ABTB3: variants seen among roughly 807,000 people sequenced by gnomAD.
ABTB3 encodes the protein ankyrin repeat- and BTB/POZ domain-containing protein 3.
the ABTB3 span, among the ~76,000 whole-genome samples, chr12:107,321,298 T>A: frequency 6.6e-6 from 1 of 152,146 alleles, no homozygotes; most frequent in Non-Finnish European, 1.5e-5. Flanking sequence ...TGTGAGAGTC[T>A]GTGTGCGCGC....
chr12:107,539,712 T>C, the ABTB3 span, among the ~76,000 whole-genome samples: 1 of 152,214 alleles, frequency 6.6e-6, no homozygotes, highest in South Asian at 2.1e-4. Flanking sequence ...GAGAACTGCT[T>C]ATTCAATGCC....
the ABTB3 span, among the ~76,000 whole-genome samples, chr12:107,467,676 C>G: frequency 2.0e-5 from 3 of 152,168 alleles, no homozygotes; most frequent in Non-Finnish European, 4.4e-5. Flanking sequence ...CCAGCTATAT[C>G]ATGATCCACT....
chr12:107,441,774 C>CAAAAAAAAAAAAAAAAAAAA, the ABTB3 span, among the ~76,000 whole-genome samples: 7 of 80,042 alleles, frequency 8.7e-5, no homozygotes, highest in African/African-American at 3.4e-4. Context: ...CTTGTCTCTA[C>CAAAAAAAAAAAAAAAAAAAA]AAAAAAAAAA....
chr12:107,517,279 T>A, the ABTB3 span, among the ~76,000 whole-genome samples: 4 of 152,228 alleles, frequency 2.6e-5, no homozygotes, highest in Non-Finnish European at 5.9e-5. Flanking sequence ...AGCCTTGTAG[T>A]ATAGCTTGAA....
At chr12:107,515,015 C>A in the ABTB3 span, among the ~76,000 whole-genome samples, 1 of 152,162 alleles carries the variant, frequency 6.6e-6, no homozygotes, top group Non-Finnish European at 1.5e-5. Context: ...GATCTCATTT[C>A]GCTCTCATAC....
chr12:107,625,843 A>G, the ABTB3 span, among the ~76,000 whole-genome samples: 1 of 152,134 alleles, frequency 6.6e-6, no homozygotes, highest in Non-Finnish European at 1.5e-5. Flanking sequence ...ACACCATCTC[A>G]GTGTCAGGGG....
At chr12:107,333,732 T>C in the ABTB3 span, among the ~76,000 whole-genome samples, 1 of 152,136 alleles carries the variant, frequency 6.6e-6, no homozygotes, top group Admixed American at 6.5e-5. Context: ...CATCAGTCCA[T>C]AGAAAAAAAT....
the ABTB3 span, chr12:107,581,125 G>A: frequency 1.3e-6 from 2 of 1,546,210 alleles, no homozygotes; most frequent in Non-Finnish European, 1.7e-6. Flanking sequence ...CCTAACGCGC[G>A]TCTCCGGGTC....
At chr12:107,426,181 G>A in the ABTB3 span, among the ~76,000 whole-genome samples, 13 of 152,140 alleles carry the variant, frequency 8.5e-5, no homozygotes, top group South Asian at 4.1e-4. Flanking sequence ...CAGCGGTGCC[G>A]TGTCCCTCTT....
At chr12:107,626,177 C>G in the ABTB3 span, among the ~76,000 whole-genome samples, 1 of 152,236 alleles carries the variant, frequency 6.6e-6, no homozygotes, top group African/African-American at 2.4e-5. Flanking sequence ...GCCGCCTTCT[C>G]TCTACCTTTT....
the ABTB3 span, among the ~76,000 whole-genome samples, chr12:107,627,702 G>A: frequency 6.6e-6 from 1 of 152,180 alleles, no homozygotes; most frequent in African/African-American, 2.4e-5. Flanking sequence ...TGGGCCCCTA[G>A]CATCTGCATT....
chr12:107,493,514 A>T, the ABTB3 span, among the ~76,000 whole-genome samples: 1 of 152,162 alleles, frequency 6.6e-6, no homozygotes, highest in Non-Finnish European at 1.5e-5. Context: ...GGGAAAGAAA[A>T]GGGCCTGGCA....
At chr12:107,320,708 A>G in the ABTB3 span, 1 of 456,084 alleles carries the variant, frequency 2.2e-6, no homozygotes, top group South Asian at 1.5e-5. Flanking sequence ...TTTGAGGGCT[A>G]GAGCACACAG....
chr12:107,584,403 AG>A, the ABTB3 span, among the ~76,000 whole-genome samples: 10 of 152,344 alleles, frequency 6.6e-5, no homozygotes, highest in African/African-American at 2.4e-4. Context: ...AGCTGCTGTG[AG>A]GCAGAGCAGG....
the ABTB3 span, among the ~76,000 whole-genome samples, chr12:107,415,973 G>GA: frequency 4.7e-5 from 7 of 148,144 alleles, no homozygotes; most frequent in South Asian, 2.1e-4. Flanking sequence ...GAATTTGAAA[G>GA]AAAAAAAAAA....
the ABTB3 span, among the ~76,000 whole-genome samples, chr12:107,580,164 A>G: frequency 7.5e-4 from 114 of 152,354 alleles, no homozygotes; most frequent in Admixed American, 1.5e-3. Context: ...CAAACCCTCC[A>G]GATAATTCTG....
At chr12:107,482,973 TTTCTTTCTTTCTTTCC>T in the ABTB3 span, among the ~76,000 whole-genome samples, 9,858 of 68,958 alleles carry the variant, frequency 0.14, 437 homozygotes, top group Middle Eastern at 0.17. Context: ...TCTTTCTTTC[TTTCTTTCTTTCTTTCC>T]TTCCTTCCTT....
chr12:107,536,147 C>A, the ABTB3 span, among the ~76,000 whole-genome samples: 1 of 152,120 alleles, frequency 6.6e-6, no homozygotes, highest in Non-Finnish European at 1.5e-5. Flanking sequence ...GGAAAGGACA[C>A]TCTTTTCAAT....
At chr12:107,371,186 G>T in the ABTB3 span, among the ~76,000 whole-genome samples, 49 of 152,156 alleles carry the variant, frequency 3.2e-4, no homozygotes, top group Admixed American at 3.2e-3. Flanking sequence ...AGCAAGCAGG[G>T]AGATCATTCT....
Sources: gnomAD v4.1 joint callset for allele counts (sites outside exome capture counted in the v4.1 genomes callset) on GRCh38, gnomAD v4.1.1 for gene constraint, MANE v1.5 for transcripts, NCBI Gene and HGNC (gene_info 2026-07-23, HGNC 2026-07-21) for gene names.